The following PHKA1 variants were observed in gnomAD, a reference collection of about 807,000 sequenced individuals.
PHKA1 encodes the protein phosphorylase kinase regulatory subunit alpha 1.
Under a neutral mutation model 110.2 loss-of-function variants are expected in PHKA1, and 60 were observed. That is an observed-to-expected ratio of 0.54 (90% confidence interval 0.44 to 0.68). PHKA1 has a LOEUF of 0.68. Ranked by LOEUF, PHKA1 falls within the 30% of genes least tolerant of loss-of-function variation. The pLI is 0.00. For missense variants in PHKA1, 801 were observed against 942.5 expected, an observed-to-expected ratio of 0.85 and a Z score of 1.97; for synonymous variants, 316 against 333.6, an observed-to-expected ratio of 0.95 and a Z score of 0.58.
At position 72,611,111 on chromosome X, in the gene PHKA1, C is replaced by T; in HGVS notation, c.2443G>A (p.Gly815Ser). 8.3e-7 allele frequency: 1 copy of T among 1,201,871 alleles called. No homozygotes were observed. ...CAGTGACGAATTTCTCCCACTTTGC[C>T]ATACAGCTCGGTAAGAAGCTCTCTC... is the stretch of plus-strand genomic sequence containing the variant. ...TVRELLTELY[G>S]KVGEIRHWGL... is the part of the protein sequence containing the mutation. The change falls in exon 22 of 32, where the codon GGC becomes AGC. Residue 815 changes from glycine to serine, a missense_variant. This residue lies in a region of PHKA1 where 502 missense variants were observed against 519.2 expected (regional missense o/e 0.97). Coordinates refer to ENST00000373542, the MANE Select transcript of PHKA1 (RefSeq NM_002637.4).
intron 31 of PHKA1, 58 bp downstream of exon 31, chrX:72,582,340 A>G: frequency 2.3e-6 from 2 of 863,454 alleles, no homozygotes; most frequent in South Asian, 2.0e-5. Flanking sequence ...AGACCTCTGA[A>G]TGTCATCAGG....
intron 5 of PHKA1, among the ~76,000 whole-genome samples, chrX:72,681,366 C>T (rs1364328888): frequency 8.8e-6 from 1 of 113,128 alleles, no homozygotes; most frequent in African/African-American, 3.2e-5. Context: ...CCTCTCCGCC[C>T]GGCAGCCACC....
chrX:72,583,098 G>A (rs1345612658), intron 30 of PHKA1, among the ~76,000 whole-genome samples: 2 of 111,558 alleles, frequency 1.8e-5, no homozygotes, highest in Non-Finnish European at 3.8e-5. Flanking sequence ...GATTAAAAAG[G>A]GCATTAAGAA....
chrX:72,662,978 C>T (rs782778599), intron 8 of PHKA1, among the ~76,000 whole-genome samples: 4 of 110,102 alleles, frequency 3.6e-5, no homozygotes, highest in South Asian at 4.0e-4. Flanking sequence ...AATTCAGGGA[C>T]ACAAGAAACA....
At chrX:72,650,289 G>A (rs2053413887) in intron 13 of PHKA1, 101 bp downstream of exon 13, 2 of 651,207 alleles carry the variant, frequency 3.1e-6, no homozygotes, top group Non-Finnish European at 4.9e-6. Flanking sequence ...CTAATAAAGT[G>A]CAACATATAG....
chrX:72,674,802 A>C (rs941823814), intron 6 of PHKA1, among the ~76,000 whole-genome samples: 5 of 111,817 alleles, frequency 4.5e-5, no homozygotes, highest in Non-Finnish European at 9.4e-5. Flanking sequence ...GCAATTATTA[A>C]ATACTGTATA....
At chrX:72,638,349 G>A (rs1442267583) in intron 14 of PHKA1, among the ~76,000 whole-genome samples, 1 of 104,110 alleles carries the variant, frequency 9.6e-6, no homozygotes, top group Non-Finnish European at 2.0e-5. Flanking sequence ...TGACCAGCCT[G>A]GGCAACACAG....
Position 72,601,112 on chromosome X carries a change from G to A in PHKA1, c.3072+879C>T, listed in dbSNP as rs963103520. On this transcript the variant is annotated intron_variant, in intron 28 of 31. Coordinates refer to ENST00000373542, the MANE Select transcript of PHKA1 (RefSeq NM_002637.4). Reference sequence around the variant, plus strand: ...AACTATTTCCTTGTATAAAGCAACCGCTCTCTATTCTCACCTGCAGGAAAA... The same window carrying A: ...AACTATTTCCTTGTATAAAGCAACCACTCTCTATTCTCACCTGCAGGAAAA... Among the ~76,000 whole-genome samples, 7 of 111,302 alleles carry A rather than the reference G, an allele frequency of 6.3e-5. No individual in the cohort carries two copies. In the East Asian group the frequency reaches 1.4e-3, roughly 23 times the overall value.
At chrX:72,707,695 G>T (rs2147845466) in intron 2 of PHKA1, among the ~76,000 whole-genome samples, 1 of 109,852 alleles carries the variant, frequency 9.1e-6, no homozygotes, top group South Asian at 3.9e-4. Context: ...ATATGACAAA[G>T]TGTTAACAAC....
At chrX:72,665,610 T>A (rs896340825) in intron 8 of PHKA1, among the ~76,000 whole-genome samples, 1 of 111,177 alleles carries the variant, frequency 9.0e-6, no homozygotes, top group Non-Finnish European at 1.9e-5. Context: ...CTGATGAACA[T>A]AGATGCAAAA....
chrX:72,607,076 G>C (rs952238891), intron 23 of PHKA1, among the ~76,000 whole-genome samples: 1 of 111,328 alleles, frequency 9.0e-6, no homozygotes, highest in East Asian at 2.8e-4. Flanking sequence ...TGTCTGAATA[G>C]TACTCCCTTG....
Position 72,671,047 on chromosome X carries a change from A to G in PHKA1, c.619-3574T>C, listed in dbSNP as rs782746668. 3.1e-4 allele frequency among the ~76,000 whole-genome samples: 35 copies of G among 111,436 alleles called. 1 individual carries two copies. The East Asian group carries it at 9.9e-3, about 31-fold the overall frequency. ...GAACAAGACAGGGATGCCCTCTCTG[A>G]CCACTCCTATTCAACATAGTGTTGG... On this transcript the variant is annotated intron_variant, in intron 6 of 31. Transcript: ENST00000373542.
At chrX:72,666,086 C>T (rs1556306203) in intron 8 of PHKA1, 65 bp downstream of exon 8, 9 of 1,109,601 alleles carry the variant, frequency 8.1e-6, no homozygotes, top group Non-Finnish European at 1.1e-5. Context: ...ACTTAAGGCC[C>T]CCAAAGGCAC....
chrX:72,583,869 G>A (rs2052374393), intron 30 of PHKA1, among the ~76,000 whole-genome samples: 1 of 111,931 alleles, frequency 8.9e-6, no homozygotes, highest in Admixed American at 9.5e-5. Flanking sequence ...ACATATAGTT[G>A]TAGCTAACAA....
intron 30 of PHKA1, among the ~76,000 whole-genome samples, chrX:72,583,035 TG>T (rs1293061299): frequency 1.8e-5 from 2 of 112,113 alleles, no homozygotes; most frequent in Admixed American, 1.9e-4. Flanking sequence ...AACTTAAAAT[TG>T]TATGTATAAT....
intron 10 of PHKA1, among the ~76,000 whole-genome samples, 181 bp downstream of exon 10, chrX:72,655,939 A>C (rs1479578540): frequency 8.9e-6 from 1 of 112,508 alleles, no homozygotes; most frequent in Non-Finnish European, 1.9e-5. Context: ...ATTTTTTTAA[A>C]AAGAAGAAAA....
intron 19 of PHKA1, among the ~76,000 whole-genome samples, chrX:72,619,716 A>G (rs1239378712): frequency 1.8e-5 from 2 of 112,053 alleles, no homozygotes; most frequent in African/African-American, 6.5e-5. Flanking sequence ...AAGTGAATGG[A>G]TGATCCTATC....
At chrX:72,692,664 T>C (rs2054053061) in intron 4 of PHKA1, among the ~76,000 whole-genome samples, 1 of 111,663 alleles carries the variant, frequency 9.0e-6, no homozygotes, top group Non-Finnish European at 1.9e-5. Context: ...TTTTGTAAGG[T>C]TGTAGTGATG....
At chrX:72,631,469 G>A (rs1241196006) in intron 16 of PHKA1, among the ~76,000 whole-genome samples, 1 of 111,438 alleles carries the variant, frequency 9.0e-6, no homozygotes, top group African/African-American at 3.3e-5. Context: ...TCCCCACTCA[G>A]TCTCTGCTGA....
Sources: allele counts gnomAD v4.1 joint callset (sites outside exome capture counted in the v4.1 genomes callset), GRCh38; gene constraint gnomAD v4.1.1; regional missense constraint gnomAD v4.1.1; transcripts MANE v1.5; gene names NCBI Gene and HGNC (gene_info 2026-07-23, HGNC 2026-07-21).